The following NCOA1 variants were observed in gnomAD, a reference collection of about 807,000 sequenced individuals.
The protein encoded by NCOA1 is nuclear receptor coactivator 1.
In NCOA1, 35 loss-of-function variants were observed where a neutral mutation model predicts 150.9. The observed-to-expected ratio is 0.23, with a 90% CI of 0.18 to 0.31. The LOEUF is 0.31. NCOA1 is among the 10% of genes least tolerant of loss of function. The probability of loss-of-function intolerance (pLI) is 1.00; values close to 1 mark genes in which losing one functional copy is unlikely to be tolerated. For missense variants in NCOA1, 1,491 were observed against 1,749.3 expected, an observed-to-expected ratio of 0.85 and a Z score of 2.63; for synonymous variants, 590 against 630.0, an observed-to-expected ratio of 0.94 and a Z score of 0.95.
chr2:24,693,200 T>C, intron 9 of NCOA1, 52 bp from the exon 10 acceptor site: 2 of 1,519,854 alleles, frequency 1.3e-6, no homozygotes, highest in East Asian at 2.3e-5. Flanking sequence ...GTGATAGATA[T>C]AAACCATTTT....
Position 24,706,966 on chromosome 2 carries a change from C to A in NCOA1, c.1496C>A (p.Thr499Lys), listed in dbSNP as rs1228172667. ...PRRQVTSGLA[T>K]RPRMPNNSFP... ...AGACAGGTTACTTCTGGATTGGCAACAAGGCCCAGGATGCCAAACAATTCC... is the reference window on the plus strand; with the variant it reads ...AGACAGGTTACTTCTGGATTGGCAAAAAGGCCCAGGATGCCAAACAATTCC... Residue 499 changes from threonine (T) to lysine (K), a missense_variant, in exon 13 of 23, where the codon ACA becomes AAA. By Grantham distance (78) the Thr-to-Lys change is moderately conservative. Coordinates refer to ENST00000348332, the MANE Select transcript of NCOA1 (RefSeq NM_003743.5). 1 of 1,614,172 alleles carries A rather than the reference C, an allele frequency of 6.2e-7. No homozygotes were observed. Among genetic ancestry groups the A allele is most frequent in the Admixed American group, 1.7e-5 (1 of 60,014 alleles).
At chr2:24,514,232 G>A (rs1309256360) in intron 1 of NCOA1, among the ~76,000 whole-genome samples, 2 of 140,090 alleles carry the variant, frequency 1.4e-5, no homozygotes, top group Non-Finnish European at 3.0e-5. Flanking sequence ...GTTGCAGTGA[G>A]CTGAGATCAC....
At chr2:24,551,108 A>G (rs943358949) in intron 1 of NCOA1, among the ~76,000 whole-genome samples, 3 of 152,082 alleles carry the variant, frequency 2.0e-5, no homozygotes, top group African/African-American at 7.2e-5. Context: ...AAAAAAAAAA[A>G]AAAAGCTCTG....
intron 20 of NCOA1, among the ~76,000 whole-genome samples, chr2:24,755,658 GTGAT>G (rs1024499925): frequency 2.2e-4 from 34 of 152,230 alleles, no homozygotes; most frequent in African/African-American, 6.8e-4. Context: ...ACCTAGGACA[GTGAT>G]TGCAGCTGCA....
intron 20 of NCOA1, among the ~76,000 whole-genome samples, chr2:24,755,679 C>T (rs1664462885): frequency 6.6e-6 from 1 of 152,198 alleles, no homozygotes; most frequent in South Asian, 2.1e-4. Flanking sequence ...TGCAGAAGAG[C>T]TTGGTCTCCT....
rs934869203 is a variant in NCOA1 at position 24,579,897 on chromosome 2, C to G, written c.-259-4579C>G. 2.6e-5 allele frequency among the ~76,000 whole-genome samples: 4 copies of G among 152,316 alleles called. No homozygotes were observed. In the Middle Eastern group the frequency reaches 0.01, roughly 389 times the overall value. ...CTGCCAACCAGAAAGTAAAGAAACT[C>G]TTCAGTTGAAGATAAATTTCACATC... On this transcript the variant is annotated intron_variant, in intron 2 of 22. Transcript: ENST00000348332.
At chr2:24,701,959 G>A (rs547938567) in intron 11 of NCOA1, among the ~76,000 whole-genome samples, 104 of 152,240 alleles carry the variant, frequency 6.8e-4, no homozygotes, top group Middle Eastern at 3.4e-3. Context: ...GCAGTGAGGC[G>A]AGATCATGCC....
chr2:24,526,714 C>CAAA (rs11337079), intron 1 of NCOA1, among the ~76,000 whole-genome samples: 3 of 145,648 alleles, frequency 2.1e-5, no homozygotes, highest in Non-Finnish European at 3.0e-5. Context: ...GACCCTTTCT[C>CAAA]AAAAAAAAAA....
chr2:24,612,140 T>G (rs911526058), intron 3 of NCOA1, among the ~76,000 whole-genome samples: 2 of 152,202 alleles, frequency 1.3e-5, no homozygotes, highest in African/African-American at 4.8e-5. Flanking sequence ...CTTGCTTGTC[T>G]GGAAAAGATT....
At chr2:24,732,773 G>A (rs1360152229) in intron 17 of NCOA1, among the ~76,000 whole-genome samples, 1 of 152,048 alleles carries the variant, frequency 6.6e-6, no homozygotes, top group Non-Finnish European at 1.5e-5. Flanking sequence ...TGCAATCCTT[G>A]GCATGCCATG....
intron 21 of NCOA1, among the ~76,000 whole-genome samples, chr2:24,760,306 A>ATTTTTTTTTTTTTTTTT (rs70947842): frequency 7.0e-5 from 7 of 99,740 alleles, no homozygotes; most frequent in Non-Finnish European, 1.2e-4. Context: ...TGCCCGGCTA[A>ATTTTTTTTTTTTTTTTT]TTTTTTTTTT....
In NCOA1 at chr2:24,504,790, T is replaced by C. The variant is rs550574828; in HGVS notation, c.-396+13188T>C. ...ACCTGATCCAGGACTTTCCTACATATATGGTTTAACTGGTAAGATTTCAGG... is the reference window on the plus strand; with the variant it reads ...ACCTGATCCAGGACTTTCCTACATACATGGTTTAACTGGTAAGATTTCAGG... On this transcript the variant is annotated intron_variant, in intron 1 of 22. Transcript: ENST00000348332. Among the ~76,000 whole-genome samples, 17 of 152,298 alleles carry C rather than the reference T, an allele frequency of 1.1e-4. No homozygotes were observed. The South Asian group carries it at 1.9e-3, about 17-fold the overall frequency.
intron 1 of NCOA1, among the ~76,000 whole-genome samples, chr2:24,552,321 T>TTTTATATA (rs1262879918): frequency 3.9e-4 from 12 of 30,576 alleles, no homozygotes; most frequent in Non-Finnish European, 6.7e-4. Context: ...TTCATATATA[T>TTTTATATA]TATATATATA....
intron 8 of NCOA1, among the ~76,000 whole-genome samples, chr2:24,686,895 A>AC (rs987836378): frequency 3.3e-5 from 5 of 152,184 alleles, no homozygotes; most frequent in African/African-American, 1.2e-4. Flanking sequence ...AATTATTACC[A>AC]GAATGACTTT....
chr2:24,555,326 C>T (rs536138907), intron 1 of NCOA1, among the ~76,000 whole-genome samples: 1 of 152,056 alleles, frequency 6.6e-6, no homozygotes, highest in East Asian at 1.9e-4. Flanking sequence ...AGAAAAAATA[C>T]ATTATTTGAT....
intron 11 of NCOA1, among the ~76,000 whole-genome samples, chr2:24,704,627 A>AT (rs1280736586): frequency 3.9e-5 from 6 of 152,074 alleles, no homozygotes; most frequent in African/African-American, 1.4e-4. Context: ...AAATACAAAA[A>AT]TTAGCCATGG....
At chr2:24,669,446 G>A (rs377057977) in intron 6 of NCOA1, among the ~76,000 whole-genome samples, 1 of 152,092 alleles carries the variant, frequency 6.6e-6, no homozygotes, top group Non-Finnish European at 1.5e-5. Flanking sequence ...TTCTGTTCAC[G>A]TTCCGTTAGG....
chr2:24,652,730 A>G (rs1670764621), intron 4 of NCOA1, among the ~76,000 whole-genome samples: 1 of 152,162 alleles, frequency 6.6e-6, no homozygotes, highest in South Asian at 2.1e-4. Context: ...TAGAGATTGC[A>G]TAAGATTGGG....
At chr2:24,685,180 C>T (rs1023924096) in intron 8 of NCOA1, among the ~76,000 whole-genome samples, 12 of 151,722 alleles carry the variant, frequency 7.9e-5, no homozygotes, top group Admixed American at 7.9e-4. Context: ...TTTGTTCTTT[C>T]CAAGGAGAAA....
Sources: allele counts gnomAD v4.1 joint callset (sites outside exome capture counted in the v4.1 genomes callset), GRCh38; gene constraint gnomAD v4.1.1; transcripts MANE v1.5; gene names NCBI Gene and HGNC (gene_info 2026-07-23, HGNC 2026-07-21).